EYS: variants seen among roughly 807,000 people sequenced by gnomAD.
EYS encodes protein eyes shut homolog.
EYS carries 250 observed loss-of-function variants against 282.1 expected under a neutral mutation model. That is an observed-to-expected ratio of 0.89 (90% confidence interval 0.80 to 0.98). EYS has a LOEUF of 0.98. Among genes scored for constraint, EYS ranks in the 50% least tolerant of loss-of-function variants. The pLI is 0.00. For synonymous variants in EYS, 1,355 were observed against 1,282.9 expected, an observed-to-expected ratio of 1.06 and a Z score of -1.20; for missense variants, 4,016 against 3,709.0, an observed-to-expected ratio of 1.08 and a Z score of -2.15.
intron 28 of EYS, among the ~76,000 whole-genome samples, chr6:64,421,769 A>T (rs1350344966): frequency 2.6e-5 from 4 of 152,120 alleles, no homozygotes; most frequent in Non-Finnish European, 5.9e-5. Context: ...AATAACTTGG[A>T]AACTGCTGAT....
intron 2 of EYS, among the ~76,000 whole-genome samples, chr6:65,612,079 G>A (rs1766021371): frequency 6.6e-6 from 1 of 151,350 alleles, no homozygotes; most frequent in Non-Finnish European, 1.5e-5. Flanking sequence ...CACTCATAAT[G>A]GTATAAAAAT....
chr6:64,406,684 T>C (rs1773722863), intron 28 of EYS, among the ~76,000 whole-genome samples: 1 of 152,214 alleles, frequency 6.6e-6, no homozygotes, highest in South Asian at 2.1e-4. Context: ...AAGACATTTA[T>C]GCAGCCAACT....
intron 31 of EYS, among the ~76,000 whole-genome samples, chr6:64,211,310 CTT>C (rs1272818603): frequency 2.6e-5 from 4 of 152,052 alleles, no homozygotes; most frequent in Non-Finnish European, 5.9e-5. Flanking sequence ...CAAATGGAGA[CTT>C]TAGGTAATCT....
intron 30 of EYS, among the ~76,000 whole-genome samples, chr6:64,274,485 T>TTTTTTTTTTTTTG (rs1768045251): frequency 1.4e-5 from 2 of 147,434 alleles, no homozygotes; most frequent in African/African-American, 5.1e-5. Context: ...CTGGCCGTTT[T>TTTTTTTTTTTTTG]TTTTTTTTTT....
intron 11 of EYS, chr6:65,330,898 C>A (rs1366912920): frequency 1.3e-5 from 13 of 972,292 alleles, no homozygotes; most frequent in Non-Finnish European, 1.6e-5. Context: ...TTATTATGAG[C>A]CATTTCCTCA....
At chr6:63,972,971 T>C (rs1766656410) in intron 35 of EYS, among the ~76,000 whole-genome samples, 1 of 152,152 alleles carries the variant, frequency 6.6e-6, no homozygotes, top group Non-Finnish European at 1.5e-5. Flanking sequence ...AAGTCTTTCC[T>C]ATTGTGAATA....
chr6:65,223,306 G>A lies in EYS; in HGVS notation c.2023+72557C>T, dbSNP rs146892511. On this transcript the variant is annotated intron_variant, in intron 12 of 42. Coordinates refer to ENST00000503581, the MANE Select transcript of EYS (RefSeq NM_001142800.2). ...CACTTGAACCCAGGTGGCGGAGTTTGCAGTGAGCCGAGATCATGCCATTGC... is the reference window on the plus strand; with the variant it reads ...CACTTGAACCCAGGTGGCGGAGTTTACAGTGAGCCGAGATCATGCCATTGC... Among the ~76,000 whole-genome samples the A allele has an allele frequency of 5.2e-3, 795 of 152,232 alleles. 6 individuals carry two copies. Among genetic ancestry groups the A allele is most frequent in the African/African-American group, 0.018 (761 of 41,542 alleles).
intron 8 of EYS, among the ~76,000 whole-genome samples, chr6:65,371,956 G>T (rs77101001): frequency 1.3e-5 from 2 of 149,808 alleles, no homozygotes; most frequent in Non-Finnish European, 1.5e-5. Context: ...TTCTTCCAGC[G>T]TGAGTTTACA....
chr6:65,028,297 T>A (rs1303557767), intron 13 of EYS, among the ~76,000 whole-genome samples: 15 of 151,936 alleles, frequency 9.9e-5, no homozygotes. Flanking sequence ...TGTTCACTTA[T>A]CTATATTATA....
chr6:65,194,754 G>A (rs1765724471), intron 12 of EYS, among the ~76,000 whole-genome samples: 1 of 151,864 alleles, frequency 6.6e-6, no homozygotes, highest in Admixed American at 6.6e-5. Flanking sequence ...CAGACCCAGG[G>A]AATTGAGGAG....
intron 12 of EYS, among the ~76,000 whole-genome samples, chr6:65,166,657 T>C (rs1764979660): frequency 1.3e-5 from 2 of 151,194 alleles, no homozygotes; most frequent in Non-Finnish European, 3.0e-5. Flanking sequence ...GACCTTGGAT[T>C]AAGCAATAGT....
chr6:64,769,992 T>G, intron 22 of EYS, among the ~76,000 whole-genome samples: 1 of 152,148 alleles, frequency 6.6e-6, no homozygotes, highest in South Asian at 2.1e-4. Flanking sequence ...TATTCATTTA[T>G]TATTGTTGGT....
intron 2 of EYS, among the ~76,000 whole-genome samples, chr6:65,560,249 AATT>A (rs1441135543): frequency 3.4e-4 from 49 of 145,852 alleles, no homozygotes; most frequent in Non-Finnish European, 5.0e-4. Flanking sequence ...AATTATATAC[AATT>A]ATTATATATA....
At position 65,541,969 on chromosome 6, in the gene EYS, G is replaced by A. The variant is rs559367354; in HGVS notation, c.-332-45976C>T. Reference sequence around the variant, plus strand: ...GATTTTCTAATAAGCTAGAAGGCTAGTAAAGCATAAAATTTCTAGCATGGT... The same window carrying A: ...GATTTTCTAATAAGCTAGAAGGCTAATAAAGCATAAAATTTCTAGCATGGT... On this transcript the variant is annotated intron_variant, in intron 2 of 42. Transcript: ENST00000503581. 5.9e-5 allele frequency among the ~76,000 whole-genome samples: 9 copies of A among 152,170 alleles called. No homozygotes were observed. The South Asian group carries it at 1.9e-3, about 32-fold the overall frequency.
intron 36 of EYS, among the ~76,000 whole-genome samples, chr6:63,835,505 C>T (rs1210134505): frequency 6.6e-6 from 1 of 151,956 alleles, no homozygotes; most frequent in Non-Finnish European, 1.5e-5. Context: ...ATCATATGTT[C>T]TCACTGATAT....
intron 5 of EYS, among the ~76,000 whole-genome samples, chr6:65,478,524 C>CAATT (rs1233875352): frequency 6.6e-6 from 1 of 152,112 alleles, no homozygotes; most frequent in Non-Finnish European, 1.5e-5. Flanking sequence ...AGATGCTACT[C>CAATT]AATTCTCTTT....
At chr6:64,431,725 C>A (rs1774581911) in intron 28 of EYS, among the ~76,000 whole-genome samples, 1 of 152,168 alleles carries the variant, frequency 6.6e-6, no homozygotes, top group South Asian at 2.1e-4. Context: ...CTGACTACCA[C>A]TGCATTTTCA....
At chr6:65,332,185 T>G in intron 11 of EYS, 1 of 506,486 alleles carries the variant, frequency 2.0e-6, no homozygotes, top group South Asian at 3.3e-5. Context: ...CTTTATTTGT[T>G]GAGTGTTTGT....
In EYS at chr6:63,905,329, C is replaced by CTT. The variant is rs377115720; in HGVS notation, c.7056-40973_7056-40972dup. 2.6e-3 allele frequency among the ~76,000 whole-genome samples: 304 copies of CTT among 118,266 alleles called. 3 individuals are homozygous for CTT. The highest frequency in any genetic ancestry group is 7.1e-3 in the African/African-American group (211 of 29,702). 77.6% of individuals were successfully genotyped at this position (118,266 alleles called of 152,430 possible). On this transcript the variant is annotated intron_variant, in intron 35 of 42. Transcript: ENST00000503581. ...TAAATAAGGGGATTTCTTTTTTTTT[C>CTT]TTTTTTTTTTTTTTTTTTGAGACGG...
Sources: gnomAD v4.1 joint callset for allele counts (sites outside exome capture counted in the v4.1 genomes callset) on GRCh38, gnomAD v4.1.1 for gene constraint, MANE v1.5 for transcripts, NCBI Gene and HGNC (gene_info 2026-07-23, HGNC 2026-07-21) for gene names.